Variants in DPP10 observed in about 807,000 individuals in gnomAD.
The protein encoded by DPP10 is inactive dipeptidyl peptidase 10.
A neutral mutation model predicts 120.9 loss-of-function variants in DPP10; 33 were observed. The observed-to-expected ratio is 0.27, with a 90% CI of 0.21 to 0.37. The LOEUF (loss-of-function observed/expected upper bound fraction) is 0.37, where lower values mean the gene tolerates loss of function less well. Among genes scored for constraint, DPP10 ranks in the 10% least tolerant of loss-of-function variants. The pLI is 1.00. For missense variants in DPP10, 816 were observed against 942.8 expected, an observed-to-expected ratio of 0.87 and a Z score of 1.76; for synonymous variants, 337 against 326.1, an observed-to-expected ratio of 1.03 and a Z score of -0.36.
At chr2:115,357,633 C>A (rs527634968) in intron 3 of DPP10, among the ~76,000 whole-genome samples, 1 of 152,290 alleles carries the variant, frequency 6.6e-6, no homozygotes, top group Non-Finnish European at 1.5e-5. Flanking sequence ...TGGGCCCCTT[C>A]TCACAACTCC....
chr2:115,060,636 T>C (rs13007350), intron 1 of DPP10, among the ~76,000 whole-genome samples: 11 of 152,176 alleles, frequency 7.2e-5, no homozygotes, highest in South Asian at 4.1e-4. Flanking sequence ...GAACGTTATG[T>C]CAACTTCCCT....
chr2:114,639,418 C>G (rs1281034532), intron 1 of DPP10, among the ~76,000 whole-genome samples: 1 of 151,716 alleles, frequency 6.6e-6, no homozygotes. Flanking sequence ...GGGGACACAG[C>G]CAAACTATAT....
intron 1 of DPP10, among the ~76,000 whole-genome samples, chr2:114,887,184 A>C (rs1692145007): frequency 1.3e-5 from 2 of 152,212 alleles, no homozygotes; most frequent in South Asian, 2.1e-4. Flanking sequence ...GTAATGACTG[A>C]TGCTTCCAAA....
intron 1 of DPP10, among the ~76,000 whole-genome samples, chr2:114,486,375 A>T (rs925218549): frequency 3.3e-5 from 5 of 152,170 alleles, no homozygotes; most frequent in Non-Finnish European, 7.4e-5. Flanking sequence ...TATTAAATAG[A>T]TATTAAATAT....
In DPP10 at chr2:114,480,741, A is replaced by G. The variant is rs574380451; in HGVS notation, c.60+37903A>G. Among the ~76,000 whole-genome samples, 8 of 151,646 alleles carry G rather than the reference A, an allele frequency of 5.3e-5. No homozygotes were observed. In the South Asian group the frequency reaches 1.7e-3, roughly 32 times the overall value. ...GGGAGGGGGGAGGGATAGCATTGGG[A>G]GATATACCTAATGTTAAATGACGAG... is the stretch of plus-strand genomic sequence containing the variant. On this transcript the variant is annotated intron_variant, in intron 1 of 25. Transcript: ENST00000410059.
intron 7 of DPP10, among the ~76,000 whole-genome samples, chr2:115,718,818 G>A (rs1268432585): frequency 6.6e-6 from 1 of 152,116 alleles, no homozygotes; most frequent in Non-Finnish European, 1.5e-5. Context: ...GGAAAATAAG[G>A]CATGACAATG....
At chr2:115,741,105 C>A (rs1460839751) in intron 9 of DPP10, among the ~76,000 whole-genome samples, 2 of 152,042 alleles carry the variant, frequency 1.3e-5, no homozygotes, top group African/African-American at 4.8e-5. Flanking sequence ...TCCCACCAGC[C>A]ACCATATTCA....
At chr2:115,828,883 A>T (rs1224387191) in intron 21 of DPP10, among the ~76,000 whole-genome samples, 1 of 152,082 alleles carries the variant, frequency 6.6e-6, no homozygotes, top group Non-Finnish European at 1.5e-5. Context: ...TCCATTATAT[A>T]TGCTTAGTTT....
chr2:114,714,196 G>C (rs1259596566), intron 1 of DPP10, among the ~76,000 whole-genome samples: 2 of 151,782 alleles, frequency 1.3e-5, no homozygotes, highest in Non-Finnish European at 2.9e-5. Flanking sequence ...GTTTCCTAAA[G>C]TCATGAAATC....
At chr2:115,644,893 C>T (rs1317707312) in intron 5 of DPP10, among the ~76,000 whole-genome samples, 1 of 152,060 alleles carries the variant, frequency 6.6e-6, no homozygotes, top group African/African-American at 2.4e-5. Context: ...TAAACTATAC[C>T]ACCAAAGATA....
At chr2:115,638,889 G>T (rs1167541053) in intron 5 of DPP10, among the ~76,000 whole-genome samples, 1 of 152,200 alleles carries the variant, frequency 6.6e-6, no homozygotes, top group Non-Finnish European at 1.5e-5. Context: ...AAGGGGGACT[G>T]GGATGATCAG....
chr2:114,993,511 T>C (rs1381184359), intron 1 of DPP10, among the ~76,000 whole-genome samples: 1 of 149,454 alleles, frequency 6.7e-6, no homozygotes, highest in Non-Finnish European at 1.5e-5. Context: ...AACTATCCTG[T>C]CCTTTTATAT....
At chr2:114,675,659 GC>G (rs1008347786) in intron 1 of DPP10, among the ~76,000 whole-genome samples, 1 of 152,144 alleles carries the variant, frequency 6.6e-6, no homozygotes, top group African/African-American at 2.4e-5. Context: ...TGCCTTGGAA[GC>G]TTTTAAAAAA....
chr2:115,637,572 G>T (rs1346648192), intron 5 of DPP10, among the ~76,000 whole-genome samples: 2 of 152,056 alleles, frequency 1.3e-5, no homozygotes, highest in East Asian at 3.8e-4. Context: ...GAAATATATT[G>T]TTAGGAGAGC....
intron 1 of DPP10, among the ~76,000 whole-genome samples, chr2:115,268,331 G>C (rs540447824): frequency 1.8e-4 from 27 of 152,286 alleles, no homozygotes; most frequent in Admixed American, 1.8e-3. Flanking sequence ...TGAAGAGGCA[G>C]TAAGTGACAA....
intron 1 of DPP10, among the ~76,000 whole-genome samples, chr2:114,486,556 G>A (rs1177649154): frequency 1.3e-5 from 2 of 151,984 alleles, no homozygotes; most frequent in Admixed American, 1.3e-4. Flanking sequence ...AAATAGCATT[G>A]GATATAAGGA....
In DPP10 at chr2:115,455,762, A is replaced by G. The variant is rs1446487321; in HGVS notation, c.272-43748A>G. Among the ~76,000 whole-genome samples the G allele has an allele frequency of 2.0e-5, 3 of 152,206 alleles. No individual in the cohort carries two copies. In the East Asian group the frequency reaches 5.8e-4, roughly 29 times the overall value. The stretch of plus-strand genomic sequence containing the variant: ...ATGGTGTTGGGAAAACTGTCTAGCC[A>G]TATGTAGAAAGCTGAAAGTGGATCA... On this transcript the variant is annotated intron_variant, in intron 3 of 25. Transcript: ENST00000410059.
At chr2:114,648,072 A>G (rs764800412) in intron 1 of DPP10, among the ~76,000 whole-genome samples, 6 of 152,152 alleles carry the variant, frequency 3.9e-5, no homozygotes, top group Non-Finnish European at 8.8e-5. Flanking sequence ...AGCTCCCTTC[A>G]TAGATTGTTT....
chr2:115,205,906 A>G lies in DPP10; in HGVS notation c.61-103333A>G, dbSNP rs151043185. On this transcript the variant is annotated intron_variant, in intron 1 of 25. Coordinates refer to ENST00000410059, the MANE Select transcript of DPP10 (RefSeq NM_020868.6). ...GAAGCAGGGAGTGGTACAAGGATTGAAAAACTGCCTTTGAGGTCCTGTGCT... is the reference window on the plus strand; with the variant it reads ...GAAGCAGGGAGTGGTACAAGGATTGGAAAACTGCCTTTGAGGTCCTGTGCT... 4.0e-4 allele frequency among the ~76,000 whole-genome samples: 61 copies of G among 152,282 alleles called. 1 individual carries two copies. The highest frequency in any genetic ancestry group is 3.4e-3 in the Middle Eastern group (1 of 294).
Sources: allele counts gnomAD v4.1 joint callset (sites outside exome capture counted in the v4.1 genomes callset), GRCh38; gene constraint gnomAD v4.1.1; transcripts MANE v1.5; gene names NCBI Gene and HGNC (gene_info 2026-07-23, HGNC 2026-07-21).